The following UNC13C variants were observed in gnomAD, a reference collection of about 807,000 sequenced individuals.
The protein encoded by UNC13C is protein unc-13 homolog C.
Under a neutral mutation model 245.4 loss-of-function variants are expected in UNC13C, and 174 were observed. The ratio of observed to expected loss-of-function variants is 0.71; its 90% CI spans 0.63 to 0.80. The LOEUF (loss-of-function observed/expected upper bound fraction) is 0.80. UNC13C is among the 30% of genes least tolerant of loss of function. UNC13C has a pLI of 0.00. For missense variants in UNC13C, 2,829 were observed against 2,602.9 expected, an observed-to-expected ratio of 1.09 and a Z score of -1.89; for synonymous variants, 992 against 895.1, an observed-to-expected ratio of 1.11 and a Z score of -1.93.
At position 54,614,188 on chromosome 15, in the gene UNC13C, T is replaced by C. The variant is rs115569325; in HGVS notation, c.6107-8139T>C. On this transcript the variant is annotated intron_variant, in intron 30 of 32. Transcript: ENST00000260323. ...CTCTGGCTATAATTGAAAAGCTTTCTTTCTAGTGTTAATATTTTTCTCTCA... is the reference window on the plus strand; with the variant it reads ...CTCTGGCTATAATTGAAAAGCTTTCCTTCTAGTGTTAATATTTTTCTCTCA... Among the ~76,000 whole-genome samples, 372 of 152,156 alleles carry C rather than the reference T, an allele frequency of 2.4e-3. 1 individual carries two copies. The highest frequency in any genetic ancestry group is 8.7e-3 in the African/African-American group (360 of 41,566).
intron 2 of UNC13C, among the ~76,000 whole-genome samples, chr15:54,101,337 T>C (rs1335176270): frequency 1.3e-5 from 2 of 152,226 alleles, no homozygotes; most frequent in African/African-American, 4.8e-5. Flanking sequence ...CTCTGTCTTT[T>C]ATTGCCATAT....
chr15:53,882,220 T>G, the UNC13C span, among the ~76,000 whole-genome samples: 1 of 152,322 alleles, frequency 6.6e-6, no homozygotes, highest in Admixed American at 6.5e-5. Flanking sequence ...TTTAACATAA[T>G]TGAATGTTTT....
chr15:54,624,516 T>A (rs1257943698), intron 32 of UNC13C, among the ~76,000 whole-genome samples: 154 of 152,246 alleles, frequency 1.0e-3, no homozygotes, highest in Non-Finnish European at 1.6e-3. Flanking sequence ...AGATAGTGTG[T>A]CACATAGGGC....
chr15:54,181,819 T>A (rs1284781242), intron 4 of UNC13C, among the ~76,000 whole-genome samples: 1 of 151,990 alleles, frequency 6.6e-6, no homozygotes, highest in Non-Finnish European at 1.5e-5. Context: ...GCACTCTTGA[T>A]TTGGCTCTCA....
chr15:54,549,708 A>C lies in UNC13C; in HGVS notation c.5877+17A>C. 2.6e-6 allele frequency: 4 copies of C among 1,548,028 alleles called. No homozygotes were observed. The highest frequency in any genetic ancestry group is 3.5e-6 in the Non-Finnish European group (4 of 1,132,350). On this transcript the variant is annotated intron_variant, in intron 28 of 32. Coordinates refer to ENST00000260323, the MANE Select transcript of UNC13C (RefSeq NM_001080534.3). ...AAACTGAAGGTAATAAAAATAAGGA[A>C]ATTACTTATTCATGGAAAGTAGTGA...
chr15:54,506,890 TTAAG>T (rs145076283), intron 22 of UNC13C, among the ~76,000 whole-genome samples: 4,765 of 152,212 alleles, frequency 0.031, 271 homozygotes, highest in African/African-American at 0.11. Flanking sequence ...TCATGCATCT[TTAAG>T]TAATTGAAAT....
At chr15:54,599,996 C>A (rs1305172758) in intron 30 of UNC13C, among the ~76,000 whole-genome samples, 1 of 151,994 alleles carries the variant, frequency 6.6e-6, no homozygotes, top group Admixed American at 6.6e-5. Context: ...GTTTTGAATA[C>A]TTTTGTTTTT....
intron 30 of UNC13C, among the ~76,000 whole-genome samples, chr15:54,593,122 C>A (rs1898892186): frequency 6.6e-6 from 1 of 152,174 alleles, no homozygotes; most frequent in African/African-American, 2.4e-5. Context: ...TTTGAGGAGG[C>A]TGAAGATAAG....
intron 2 of UNC13C, among the ~76,000 whole-genome samples, chr15:54,067,351 C>T (rs1898122720): frequency 6.6e-6 from 1 of 152,008 alleles, no homozygotes; most frequent in Non-Finnish European, 1.5e-5. Context: ...CACTCCACAC[C>T]TAATTTTGGA....
intron 24 of UNC13C, among the ~76,000 whole-genome samples, chr15:54,519,849 A>G (rs1387786307): frequency 3.9e-5 from 6 of 152,200 alleles, no homozygotes; most frequent in Admixed American, 6.5e-5. Context: ...AAAGTACCCT[A>G]CTTCTAGATT....
At chr15:53,883,131 A>C in the UNC13C span, among the ~76,000 whole-genome samples, 2 of 152,220 alleles carry the variant, frequency 1.3e-5, no homozygotes, top group Admixed American at 6.5e-5. Flanking sequence ...CTAACTCTGT[A>C]GGAAAAGATT....
At chr15:54,493,252 T>C (rs1412575570) in intron 19 of UNC13C, among the ~76,000 whole-genome samples, 2 of 152,162 alleles carry the variant, frequency 1.3e-5, no homozygotes, top group Non-Finnish European at 2.9e-5. Context: ...GAAATGAATT[T>C]GGAGGAACCT....
chr15:54,109,387 G>A (rs1381848580), intron 2 of UNC13C, among the ~76,000 whole-genome samples: 2 of 128,836 alleles, frequency 1.6e-5, no homozygotes, highest in South Asian at 2.5e-4. Context: ...TGTCGCCCAG[G>A]CTAGAGTGCA....
chr15:54,443,733 T>A (rs546345566), intron 19 of UNC13C, among the ~76,000 whole-genome samples: 2 of 152,098 alleles, frequency 1.3e-5, no homozygotes, highest in Non-Finnish European at 2.9e-5. Context: ...CCTCTTTGTA[T>A]TGATTTCTAA....
In UNC13C at chr15:53,978,455, C is replaced by T. The variant is rs538364476; in HGVS notation, c.-729C>T. Among the ~76,000 whole-genome samples the T allele has an allele frequency of 1.3e-5, 2 of 152,260 alleles. No individual in the cohort carries two copies. Among genetic ancestry groups the T allele is most frequent in the East Asian group, 3.9e-4 (2 of 5,158 alleles). On this transcript the variant is annotated 5_prime_UTR_variant, in exon 1 of 33. Transcript: ENST00000260323. ...GTGCTGCATTCAGAAAAGACTCAGC[C>T]GCAGCCGGCGATGTGTGAAGTTCCC...
rs374357666 is a variant in UNC13C, at chr15:54,596,903, C to T, written c.6107-25424C>T. 4.6e-5 allele frequency among the ~76,000 whole-genome samples: 7 copies of T among 152,252 alleles called. No individual in the cohort carries two copies. In the East Asian group the frequency reaches 1.4e-3, roughly 29 times the overall value. On this transcript the variant is annotated intron_variant, in intron 30 of 32. Transcript: ENST00000260323. ...AGCTAGTGGTGCCATGCTTGTATAGCCTGCAGAACTGTGAGCCAAATAAAC... is the reference window on the plus strand; with the variant it reads ...AGCTAGTGGTGCCATGCTTGTATAGTCTGCAGAACTGTGAGCCAAATAAAC...
chr15:53,995,153 C>T (rs539116681), intron 1 of UNC13C, among the ~76,000 whole-genome samples: 1 of 151,890 alleles, frequency 6.6e-6, no homozygotes, highest in East Asian at 1.9e-4. Context: ...GTTATATAGA[C>T]CCAACTGGTC....
the UNC13C span, among the ~76,000 whole-genome samples, chr15:53,886,666 A>C: frequency 1.3e-5 from 2 of 152,138 alleles, no homozygotes; most frequent in African/African-American, 4.8e-5. Flanking sequence ...TCTAAAGAAC[A>C]CAGCATTAAA....
rs1433954786 is a variant in UNC13C, at chr15:54,144,022, G to A, written c.3071+338G>A. Among the ~76,000 whole-genome samples, 4 of 152,116 alleles carry A rather than the reference G, an allele frequency of 2.6e-5. No homozygotes were observed. In the East Asian group the frequency reaches 5.8e-4, roughly 22 times the overall value. ...GATACAATTAATGCTCTCTTTCAAT[G>A]TGCTTGTTTGCACTTAATGATATAT... On this transcript the variant is annotated intron_variant, in intron 4 of 32. Transcript: ENST00000260323.
Sources: allele counts gnomAD v4.1 joint callset (sites outside exome capture counted in the v4.1 genomes callset), GRCh38; gene constraint gnomAD v4.1.1; transcripts MANE v1.5; gene names NCBI Gene and HGNC (gene_info 2026-07-23, HGNC 2026-07-21).